DNM1L: variants seen among roughly 807,000 people sequenced by gnomAD.
DNM1L encodes the protein dynamin-1-like protein.
DNM1L carries 33 observed loss-of-function variants against 92.8 expected under a neutral mutation model. The observed-to-expected ratio is 0.36, with a 90% CI of 0.27 to 0.48. The LOEUF (loss-of-function observed/expected upper bound fraction) is 0.48. Ranked by LOEUF, DNM1L falls within the 20% of genes least tolerant of loss-of-function variation. The probability of loss-of-function intolerance (pLI) is 0.99; values close to 1 mark genes in which losing one functional copy is unlikely to be tolerated. For synonymous variants in DNM1L, 284 were observed against 305.0 expected (o/e 0.93, Z 0.72); for missense variants, 485 against 888.8 (o/e 0.55, Z 5.78).
chr12:32,732,921 A>T (rs1037080115), intron 12 of DNM1L, among the ~76,000 whole-genome samples: 1 of 151,908 alleles, frequency 6.6e-6, no homozygotes, highest in Non-Finnish European at 1.5e-5. Flanking sequence ...ACATGGAGAA[A>T]CCCCCTCTCT....
At chr12:32,703,088 C>G (rs1952778728) in intron 2 of DNM1L, among the ~76,000 whole-genome samples, 1 of 145,762 alleles carries the variant, frequency 6.9e-6, no homozygotes, top group South Asian at 2.2e-4. Flanking sequence ...CCATTTTCTT[C>G]TGTCACCTTG....
chr12:32,721,946 A>T (rs1476620188), intron 8 of DNM1L, among the ~76,000 whole-genome samples: 1 of 152,212 alleles, frequency 6.6e-6, no homozygotes, highest in Non-Finnish European at 1.5e-5. Context: ...AGATGAAGAG[A>T]TGCACAGGGC....
intron 14 of DNM1L, 58 bp downstream of exon 14, chr12:32,737,219 G>T: frequency 6.4e-7 from 1 of 1,570,478 alleles, no homozygotes; most frequent in South Asian, 1.1e-5. Flanking sequence ...GATGAGCTCA[G>T]AATATTACTC....
chr12:32,735,800 C>T (rs1017092939), intron 13 of DNM1L, among the ~76,000 whole-genome samples: 4 of 151,974 alleles, frequency 2.6e-5, no homozygotes, highest in African/African-American at 9.7e-5. Flanking sequence ...TCCATTGAAT[C>T]CAGGAGGCGG....
chr12:32,684,489 C>T (rs10844282), intron 1 of DNM1L, among the ~76,000 whole-genome samples: 22,005 of 143,802 alleles, frequency 0.15, 1,750 homozygotes, highest in African/African-American at 0.2. Context: ...TTTTTTTTTT[C>T]TTTTTTGAGA....
chr12:32,681,596 GC>G (rs1441426103), intron 1 of DNM1L, among the ~76,000 whole-genome samples: 1 of 15,604 alleles, frequency 6.4e-5, no homozygotes, highest in Non-Finnish European at 1.4e-4. Flanking sequence ...TCCCCACACC[GC>G]CCCCCCGCCC....
chr12:32,717,239 T>TTTATATATA (rs1953443515), intron 6 of DNM1L, among the ~76,000 whole-genome samples: 1 of 106,140 alleles, frequency 9.4e-6, no homozygotes, highest in African/African-American at 4.0e-5. Flanking sequence ...TTATATATAT[T>TTTATATATA]TTATATATAG....
At position 32,744,668 on chromosome 12, in the gene DNM1L, G is replaced by A. The variant is rs762484869; in HGVS notation, c.*1258G>A. On this transcript the variant is annotated 3_prime_UTR_variant, in exon 20 of 20. Transcript: ENST00000549701. Reference sequence around the variant, plus strand: ...GTGGAGGTTGTGGTGAGCTAAGATCGTGCCATTGCACTCCAGCCTTGGCAA... The same window carrying A: ...GTGGAGGTTGTGGTGAGCTAAGATCATGCCATTGCACTCCAGCCTTGGCAA... The A allele has an allele frequency of 8.2e-5, 28 of 341,782 alleles. No individual in the cohort carries two copies. The highest frequency in any genetic ancestry group is 1.1e-4 in the Non-Finnish European group (20 of 179,400). 21.2% of individuals were successfully genotyped at this position (341,782 alleles called of 1,614,324 possible).
intron 9 of DNM1L, chr12:32,726,607 C>T (rs144410129): frequency 1.8e-6 from 2 of 1,131,978 alleles, no homozygotes; most frequent in Non-Finnish European, 2.6e-6. Flanking sequence ...ATAGCTTCAG[C>T]ATCATCATCC....
chr12:32,699,923 G>C (rs1033913495), intron 1 of DNM1L, among the ~76,000 whole-genome samples: 2 of 151,578 alleles, frequency 1.3e-5, no homozygotes, highest in African/African-American at 4.8e-5. Context: ...CAGTATCTAT[G>C]AATGCTTAAA....
chr12:32,682,655 A>G (rs1355790791), intron 1 of DNM1L, among the ~76,000 whole-genome samples: 1 of 152,228 alleles, frequency 6.6e-6, no homozygotes, highest in African/African-American at 2.4e-5. Context: ...ATCCAGTACC[A>G]TGCTGACTTT....
At chr12:32,699,325 ATATT>A (rs1952603659) in intron 1 of DNM1L, among the ~76,000 whole-genome samples, 1 of 152,182 alleles carries the variant, frequency 6.6e-6, no homozygotes, top group Non-Finnish European at 1.5e-5. Context: ...AAGTTGGAAA[ATATT>A]TAAAACAACA....
intron 1 of DNM1L, among the ~76,000 whole-genome samples, chr12:32,691,466 A>C (rs1420378351): frequency 6.6e-6 from 1 of 152,028 alleles, no homozygotes; most frequent in African/African-American, 2.4e-5. Flanking sequence ...GATGGTCTCA[A>C]TCTCTTGACC....
intron 6 of DNM1L, among the ~76,000 whole-genome samples, chr12:32,717,959 GTATATATATTA>G (rs1565519120): frequency 1.0e-5 from 1 of 98,658 alleles, no homozygotes; most frequent in African/African-American, 4.6e-5. Context: ...AGTATATATA[GTATATATATTA>G]TATATAGTAT....
chr12:32,706,473 A>G lies in DNM1L; in HGVS notation c.251-894A>G, dbSNP rs116815002. On this transcript the variant is annotated intron_variant, in intron 2 of 19. Transcript: ENST00000549701. ...TTAGATTATCTTTCCACAATTAAACAGTTCTAGTTTTTCTGGGAAAAACAG... is the reference window on the plus strand; with the variant it reads ...TTAGATTATCTTTCCACAATTAAACGGTTCTAGTTTTTCTGGGAAAAACAG... 8.0e-3 allele frequency among the ~76,000 whole-genome samples: 1,226 copies of G among 152,344 alleles called. 21 individuals carry two copies. Among genetic ancestry groups the G allele is most frequent in the African/African-American group, 0.027 (1,129 of 41,570 alleles).
intron 6 of DNM1L, among the ~76,000 whole-genome samples, chr12:32,715,353 C>T (rs935352430): frequency 5.3e-5 from 8 of 151,606 alleles, no homozygotes; most frequent in African/African-American, 1.7e-4. Flanking sequence ...TTAATATGGC[C>T]AGCAGTTGGA....
chr12:32,739,025 T>C (rs1226582813), intron 16 of DNM1L, among the ~76,000 whole-genome samples: 1 of 152,200 alleles, frequency 6.6e-6, no homozygotes, highest in Non-Finnish European at 1.5e-5. Flanking sequence ...CTCCTTAAGA[T>C]TTCATTTGGT....
intron 1 of DNM1L, among the ~76,000 whole-genome samples, chr12:32,688,491 T>C (rs1433715719): frequency 1.3e-5 from 2 of 152,238 alleles, no homozygotes; most frequent in Non-Finnish European, 2.9e-5. Context: ...GCAGAGCTGC[T>C]GTGGCCCCTA....
At chr12:32,738,649 C>G (rs1955075070) in intron 16 of DNM1L, among the ~76,000 whole-genome samples, 1 of 152,094 alleles carries the variant, frequency 6.6e-6, no homozygotes, top group African/African-American at 2.4e-5. Context: ...TCTAATGCTT[C>G]TTTCTTATGC....
Sources: allele counts gnomAD v4.1 joint callset (sites outside exome capture counted in the v4.1 genomes callset), GRCh38; gene constraint gnomAD v4.1.1; transcripts MANE v1.5; gene names NCBI Gene and HGNC (gene_info 2026-07-23, HGNC 2026-07-21).